The following SLC6A13 variants were observed in gnomAD, a reference collection of about 807,000 sequenced individuals.
SLC6A13 encodes the protein sodium- and chloride-dependent GABA transporter 2.
In SLC6A13, 69 loss-of-function variants were observed where a neutral mutation model predicts 72.9. The observed-to-expected ratio is 0.95, with a 90% confidence interval of 0.78 to 1.16. SLC6A13 has a LOEUF of 1.16. SLC6A13 is among the 50% of genes most tolerant of loss of function. SLC6A13 has a pLI of 0.00. For synonymous variants in SLC6A13, 303 were observed against 303.0 expected, an observed-to-expected ratio of 1.00 and a Z score of 0.00; for missense variants, 735 against 760.5, an observed-to-expected ratio of 0.97 and a Z score of 0.39.
intron 11 of SLC6A13, chr12:223,717 A>G: frequency 4.8e-6 from 2 of 415,364 alleles, no homozygotes; most frequent in Non-Finnish European, 8.8e-6. Context: ...CTGGAGAGTC[A>G]GCTTCTCCCA....
chr12:221,609 C>G lies in SLC6A13; in HGVS notation c.1516-63G>C. On this transcript the variant is annotated intron_variant, in intron 13 of 14. Coordinates refer to ENST00000343164, the MANE Select transcript of SLC6A13 (RefSeq NM_016615.5). Reference sequence around the variant, plus strand: ...GGGGGCCTTGTGCCCTCAGCTCCCCCGCTCCCCAGCAGCCTGGCAGAAATC... The same window carrying G: ...GGGGGCCTTGTGCCCTCAGCTCCCCGGCTCCCCAGCAGCCTGGCAGAAATC... The G allele has an allele frequency of 6.4e-6, 7 of 1,095,258 alleles. 1 individual carries two copies. In the South Asian group the frequency reaches 9.0e-5, roughly 14 times the overall value. The allele number at this position is 1,095,258 out of a possible 1,614,324, so 67.8% of individuals were successfully genotyped here. A position where few individuals can be genotyped will look rare whatever the true frequency, so the allele number is the denominator to read the frequency against.
chr12:236,070 G>A (rs1019927059), intron 6 of SLC6A13, among the ~76,000 whole-genome samples: 1 of 152,176 alleles, frequency 6.6e-6, no homozygotes, highest in African/African-American at 2.4e-5. Context: ...GCTGAACATA[G>A]ACCCTTATTA....
intron 13 of SLC6A13, 43 bp downstream of exon 13, chr12:222,489 C>G (rs1941253377): frequency 7.6e-7 from 1 of 1,311,418 alleles, no homozygotes; most frequent in Non-Finnish European, 1.1e-6. Flanking sequence ...TAGCCACCGT[C>G]TCTCCCTCCC....
intron 8 of SLC6A13, 152 bp from the exon 9 acceptor site, chr12:226,666 G>A (rs2137258904): frequency 1.1e-6 from 1 of 915,036 alleles, no homozygotes; most frequent in South Asian, 1.8e-5. Context: ...GCAGAATTCA[G>A]AGGACCACGC....
chr12:230,673 A>G (rs1941672744), intron 7 of SLC6A13, among the ~76,000 whole-genome samples: 1 of 152,204 alleles, frequency 6.6e-6, no homozygotes, highest in South Asian at 2.1e-4. Flanking sequence ...GCAGTCATCA[A>G]AAGACTGCTT....
At chr12:225,056 A>G (rs941682012) in intron 9 of SLC6A13, among the ~76,000 whole-genome samples, 2 of 152,248 alleles carry the variant, frequency 1.3e-5, no homozygotes, top group African/African-American at 4.8e-5. Flanking sequence ...TCACCCTGCA[A>G]TGACTACACT....
Position 238,195 on chromosome 12 carries a change from C to A in SLC6A13, c.479-185G>T, listed in dbSNP as rs562360790. 111 of 1,531,086 alleles carry A rather than the reference C, an allele frequency of 7.2e-5. No homozygotes were observed. The African/African-American group carries it at 1.3e-3, about 18-fold the overall frequency. 94.8% of individuals were successfully genotyped at this position (1,531,086 alleles called of 1,614,324 possible). On this transcript the variant is annotated intron_variant, in intron 4 of 14. Transcript: ENST00000343164. ...CCTCAACAAATGCAGCTCACTCTCT[C>A]CCGCACACTTGGACATGTGGGTACA...
At chr12:228,546 C>T (rs1264409194) in intron 7 of SLC6A13, among the ~76,000 whole-genome samples, 2 of 152,126 alleles carry the variant, frequency 1.3e-5, no homozygotes, top group Non-Finnish European at 2.9e-5. Context: ...AGCCTCATTC[C>T]AGAACCCCCC....
intron 4 of SLC6A13, among the ~76,000 whole-genome samples, chr12:239,687 G>A (rs1942094536): frequency 6.6e-6 from 1 of 152,116 alleles, no homozygotes; most frequent in African/African-American, 2.4e-5. Context: ...TGGGGTCTTT[G>A]TTTTTGTTTA....
chr12:248,231 T>C (rs995704799), intron 2 of SLC6A13, among the ~76,000 whole-genome samples: 14 of 151,714 alleles, frequency 9.2e-5, no homozygotes, highest in African/African-American at 3.4e-4. Flanking sequence ...CTTAAGAAAA[T>C]GCACTTTGAA....
At chr12:223,838 T>C in intron 11 of SLC6A13, 154 bp downstream of exon 11, 1 of 810,592 alleles carries the variant, frequency 1.2e-6, no homozygotes, top group South Asian at 1.7e-5. Flanking sequence ...CTGCCTACTT[T>C]GTCGTTCCTG....
intron 9 of SLC6A13, 32 bp downstream of exon 9, chr12:226,358 C>T (rs1038334699): frequency 6.2e-7 from 1 of 1,612,912 alleles, no homozygotes; most frequent in Admixed American, 1.7e-5. Flanking sequence ...GAACCAGGCT[C>T]ACTGCCTCCA....
intron 14 of SLC6A13, 100 bp downstream of exon 14, chr12:221,276 C>T: frequency 1.5e-6 from 2 of 1,359,492 alleles, no homozygotes; most frequent in Non-Finnish European, 2.0e-6. Flanking sequence ...CCCACTGGCA[C>T]CTCCACACAA....
chr12:261,930 A>C (rs1054720673), intron 1 of SLC6A13, among the ~76,000 whole-genome samples: 1 of 140,846 alleles, frequency 7.1e-6, no homozygotes, highest in African/African-American at 2.6e-5. Context: ...TGTCTCAAAA[A>C]AAAGAAAAAA....
intron 2 of SLC6A13, among the ~76,000 whole-genome samples, chr12:251,191 A>C (rs1410233014): frequency 6.6e-6 from 1 of 152,134 alleles, no homozygotes; most frequent in African/African-American, 2.4e-5. Flanking sequence ...TTGAAAAAGA[A>C]GAACTGAAGT....
At chr12:243,585 A>T in intron 3 of SLC6A13, 94 bp downstream of exon 3, 4 of 1,271,814 alleles carry the variant, frequency 3.1e-6, no homozygotes, top group Non-Finnish European at 4.4e-6. Flanking sequence ...ATCTTATCTT[A>T]ACCTCAGAAC....
At chr12:238,429 G>A (rs566386880) in intron 4 of SLC6A13, 55 of 867,332 alleles carry the variant, frequency 6.3e-5, no homozygotes, top group South Asian at 3.3e-4. Flanking sequence ...CTGACCCCAC[G>A]GGTATGAACT....
Position 237,269 on chromosome 12 carries a change from A to G in SLC6A13, c.585T>C (p.Ser195=). ...EFWERRVLKI[S]DGIQHLGALR... is the part of the protein sequence containing the mutation. Reference sequence around the variant, plus strand: ...GGGCCCCCAGGTGCTGGATCCCATCAGAGATCTTCAAGACCCGCCGCCTGG... The same window carrying G: ...GGGCCCCCAGGTGCTGGATCCCATCGGAGATCTTCAAGACCCGCCGCCTGG... The change falls in exon 6 of 15, where the codon TCT becomes TCC. Residue 195 remains serine (S), a synonymous_variant. Coordinates refer to ENST00000343164, the MANE Select transcript of SLC6A13 (RefSeq NM_016615.5). The G allele has an allele frequency of 1.2e-6, 2 of 1,614,114 alleles. No homozygotes were observed. The highest frequency in any genetic ancestry group is 8.5e-7 in the Non-Finnish European group (1 of 1,179,940).
At chr12:239,916 A>C (rs1942104833) in intron 4 of SLC6A13, among the ~76,000 whole-genome samples, 1 of 152,214 alleles carries the variant, frequency 6.6e-6, no homozygotes. Flanking sequence ...GCTCACTAAG[A>C]GAGATGTCAA....
Sources: allele counts gnomAD v4.1 joint callset (sites outside exome capture counted in the v4.1 genomes callset), GRCh38; gene constraint gnomAD v4.1.1; transcripts MANE v1.5; gene names NCBI Gene and HGNC (gene_info 2026-07-23, HGNC 2026-07-21).